Variants in GALNT1 observed in about 807,000 individuals in gnomAD.
The protein encoded by GALNT1 is GalNAc transferase 1.
In GALNT1, 17 loss-of-function variants were observed where a neutral mutation model predicts 65.7. That is an observed-to-expected ratio of 0.26 (90% confidence interval 0.18 to 0.39). The LOEUF (loss-of-function observed/expected upper bound fraction) is 0.39, where lower values mean the gene tolerates loss of function less well. Ranked by LOEUF, GALNT1 falls within the 10% of genes least tolerant of loss-of-function variation. The pLI is 1.00. For synonymous variants in GALNT1, 210 were observed against 219.7 expected, an observed-to-expected ratio of 0.96 and a Z score of 0.39; for missense variants, 460 against 672.8, an observed-to-expected ratio of 0.68 and a Z score of 3.50.
chr18:35,641,772 C>A (rs1312182651), intron 1 of GALNT1, among the ~76,000 whole-genome samples: 1 of 152,162 alleles, frequency 6.6e-6, no homozygotes, highest in Non-Finnish European at 1.5e-5. Flanking sequence ...CCTGGGAAAA[C>A]AAATTGGTGA....
chr18:35,687,291 A>G (rs2047883624), intron 6 of GALNT1, 105 bp downstream of exon 6: 2 of 1,057,290 alleles, frequency 1.9e-6, no homozygotes, highest in Non-Finnish European at 2.8e-6. Context: ...AACGTGAAGC[A>G]TTCGTATACC....
intron 4 of GALNT1, among the ~76,000 whole-genome samples, chr18:35,681,695 T>C (rs1295668547): frequency 6.6e-6 from 1 of 152,162 alleles, no homozygotes; most frequent in East Asian, 1.9e-4. Flanking sequence ...CATGAAATTC[T>C]ATCAAATTCT....
At chr18:35,623,756 G>A (rs1345909190) in intron 1 of GALNT1, among the ~76,000 whole-genome samples, 2 of 152,012 alleles carry the variant, frequency 1.3e-5, no homozygotes. Flanking sequence ...ATTCTGTGTG[G>A]TTCTTTTTTA....
intron 1 of GALNT1, among the ~76,000 whole-genome samples, chr18:35,604,352 T>G (rs949806850): frequency 6.6e-6 from 1 of 152,222 alleles, no homozygotes; most frequent in Non-Finnish European, 1.5e-5. Flanking sequence ...TTTCATGTCT[T>G]TGCTATTGTG....
intron 1 of GALNT1, among the ~76,000 whole-genome samples, chr18:35,589,360 C>G (rs1175932192): frequency 3.3e-5 from 5 of 152,132 alleles, no homozygotes; most frequent in African/African-American, 1.2e-4. Flanking sequence ...TCTAGGCTAC[C>G]CACCTGACCT....
At chr18:35,590,541 A>C (rs1429722026) in intron 1 of GALNT1, among the ~76,000 whole-genome samples, 1 of 152,232 alleles carries the variant, frequency 6.6e-6, no homozygotes, top group African/African-American at 2.4e-5. Flanking sequence ...GAATATTTTT[A>C]AAGTATCAGT....
chr18:35,704,475 A>C (rs2048220896), intron 11 of GALNT1, among the ~76,000 whole-genome samples: 1 of 151,508 alleles, frequency 6.6e-6, no homozygotes, highest in African/African-American at 2.4e-5. Flanking sequence ...TGCCTGGCTA[A>C]TTTTTGTAAT....
At chr18:35,629,944 T>A (rs1006913313) in intron 1 of GALNT1, among the ~76,000 whole-genome samples, 1 of 151,774 alleles carries the variant, frequency 6.6e-6, no homozygotes. Context: ...CCAACAAAGA[T>A]CAAAAGAGAC....
intron 1 of GALNT1, among the ~76,000 whole-genome samples, chr18:35,645,673 A>G (rs903897967): frequency 2.0e-5 from 3 of 152,224 alleles, no homozygotes; most frequent in African/African-American, 4.8e-5. Flanking sequence ...ATTTCTATGT[A>G]GAAATCATAC....
At chr18:35,652,584 A>G (rs774064001) in intron 1 of GALNT1, among the ~76,000 whole-genome samples, 2 of 152,140 alleles carry the variant, frequency 1.3e-5, no homozygotes, top group Non-Finnish European at 2.9e-5. Flanking sequence ...CCTCACATTC[A>G]GTGTGAACTA....
intron 1 of GALNT1, among the ~76,000 whole-genome samples, chr18:35,630,273 G>C (rs117633380): frequency 0.056 from 8,512 of 152,142 alleles, 274 homozygotes; most frequent in South Asian, 0.072. Context: ...CCACACCGCA[G>C]TTACTCCAAA....
intron 4 of GALNT1, among the ~76,000 whole-genome samples, chr18:35,679,001 T>G (rs1190170858): frequency 3.3e-5 from 5 of 152,070 alleles, no homozygotes; most frequent in Admixed American, 6.5e-5. Flanking sequence ...TTAATCAAAT[T>G]AAAGAGATAC....
In GALNT1 at chr18:35,708,589, G is replaced by A. The variant is rs566243731; in HGVS notation, c.1534-1035G>A. Among the ~76,000 whole-genome samples the A allele has an allele frequency of 2.6e-5, 4 of 152,284 alleles. No individual in the cohort carries two copies. The East Asian group carries it at 7.7e-4, about 29-fold the overall frequency. Reference sequence around the variant, plus strand: ...GTGTTAAACATTTTACATTTCCTTCGAGTTAATTTACATTTGTAGAGTAAT... The same window carrying A: ...GTGTTAAACATTTTACATTTCCTTCAAGTTAATTTACATTTGTAGAGTAAT... On this transcript the variant is annotated intron_variant, in intron 11 of 11. Coordinates refer to ENST00000269195, the MANE Select transcript of GALNT1 (RefSeq NM_020474.4).
In GALNT1 at chr18:35,708,712, T is replaced by C. The variant is rs578240551; in HGVS notation, c.1534-912T>C. Among the ~76,000 whole-genome samples the C allele has an allele frequency of 4.6e-5, 7 of 152,324 alleles. No individual in the cohort carries two copies. In the South Asian group the frequency reaches 1.4e-3, roughly 32 times the overall value. On this transcript the variant is annotated intron_variant, in intron 11 of 11. Coordinates refer to ENST00000269195, the MANE Select transcript of GALNT1 (RefSeq NM_020474.4). ...GGTGTGGATCATTGTTAACTATCTA[T>C]CTGTTAATTCTTACCTGCCCTGCCC...
chr18:35,602,654 T>G (rs1459710604), intron 1 of GALNT1, among the ~76,000 whole-genome samples: 10 of 152,228 alleles, frequency 6.6e-5, no homozygotes, highest in African/African-American at 2.4e-4. Flanking sequence ...AATACACTTT[T>G]CAGTTTAGCA....
intron 1 of GALNT1, among the ~76,000 whole-genome samples, chr18:35,645,218 GTTTTTTTTTTTTT>G (rs1166987925): frequency 1.5e-4 from 8 of 54,326 alleles, no homozygotes; most frequent in Admixed American, 1.0e-3. Flanking sequence ...TATTTTGAAT[GTTTTTTTTTTTTT>G]TTTTTTTTTT....
chr18:35,582,093 G>C (rs781065367), intron 1 of GALNT1, among the ~76,000 whole-genome samples: 4 of 152,120 alleles, frequency 2.6e-5, no homozygotes, highest in Non-Finnish European at 4.4e-5. Context: ...TTCCGTCCTA[G>C]TTTGACATTG....
chr18:35,613,875 G>GAAA (rs139407350), intron 1 of GALNT1, among the ~76,000 whole-genome samples: 1 of 151,006 alleles, frequency 6.6e-6, no homozygotes, highest in African/African-American at 2.4e-5. Context: ...TAATGGTGGG[G>GAAA]GAAAAAAAAA....
chr18:35,602,290 A>G (rs748419578), intron 1 of GALNT1, among the ~76,000 whole-genome samples: 1 of 151,798 alleles, frequency 6.6e-6, no homozygotes, highest in Non-Finnish European at 1.5e-5. Flanking sequence ...TGCTTTTAGG[A>G]TCCTCCTTTT....
Sources: allele counts gnomAD v4.1 joint callset (sites outside exome capture counted in the v4.1 genomes callset), GRCh38; gene constraint gnomAD v4.1.1; transcripts MANE v1.5; gene names NCBI Gene and HGNC (gene_info 2026-07-23, HGNC 2026-07-21).